LMO7: variants seen among roughly 807,000 people sequenced by gnomAD.
LMO7 encodes LIM domain only protein 7.
A neutral mutation model predicts 206.5 loss-of-function variants in LMO7; 120 were observed. That is an observed-to-expected ratio of 0.58 (90% CI 0.50 to 0.68). The LOEUF (loss-of-function observed/expected upper bound fraction) is 0.68, where lower values mean the gene tolerates loss of function less well. Ranked by LOEUF, LMO7 falls within the 30% of genes least tolerant of loss-of-function variation. The pLI is 0.00. For missense variants in LMO7, 1,959 were observed against 1,957.9 expected, an observed-to-expected ratio of 1.00 and a Z score of -0.01; for synonymous variants, 706 against 681.5, an observed-to-expected ratio of 1.04 and a Z score of -0.56.
chr13:75,749,272 G>T (rs2047097692), intron 3 of LMO7, among the ~76,000 whole-genome samples: 1 of 152,102 alleles, frequency 6.6e-6, no homozygotes, highest in Non-Finnish European at 1.5e-5. Context: ...ACGTGTTAGT[G>T]CTTCATAAAA....
intron 1 of LMO7, among the ~76,000 whole-genome samples, chr13:75,660,477 C>G (rs769255845): frequency 9.9e-5 from 15 of 152,144 alleles, no homozygotes; most frequent in African/African-American, 3.6e-4. Flanking sequence ...ATGCCCTTCT[C>G]TTTAAATCCT....
chr13:75,753,447 G>A (rs770366096), intron 3 of LMO7, among the ~76,000 whole-genome samples: 6 of 152,030 alleles, frequency 3.9e-5, no homozygotes, highest in East Asian at 1.9e-4. Flanking sequence ...TTTGTTGCCC[G>A]TGCTTTTGAG....
rs552681830 is a variant in LMO7 at position 75,685,400 on chromosome 13, C to A, written c.70-27782C>A. 5.3e-5 allele frequency among the ~76,000 whole-genome samples: 8 copies of A among 152,238 alleles called. No homozygotes were observed. In the South Asian group the frequency reaches 1.7e-3, roughly 32 times the overall value. On this transcript the variant is annotated intron_variant, in intron 1 of 30. Coordinates refer to ENST00000377534, the MANE Select transcript of LMO7 (RefSeq NM_001306080.2). ...GTGTGAAGTGGAAGGAAACTAAAGC[C>A]TCATCCCACGCTTTTGTCTTCCAAA...
At chr13:75,783,051 C>T (rs546682381) in intron 4 of LMO7, among the ~76,000 whole-genome samples, 3 of 152,124 alleles carry the variant, frequency 2.0e-5, no homozygotes, top group Non-Finnish European at 4.4e-5. Flanking sequence ...GGAGTAGGAA[C>T]AAAGAATTCA....
chr13:75,760,651 C>G, intron 3 of LMO7: 1 of 1,487,656 alleles, frequency 6.7e-7, no homozygotes, highest in Non-Finnish European at 8.9e-7. Flanking sequence ...TGGCTAGGCA[C>G]TTGTCCTGTA....
At chr13:75,828,502 C>T (rs1271570686) in intron 15 of LMO7, among the ~76,000 whole-genome samples, 1 of 152,100 alleles carries the variant, frequency 6.6e-6, no homozygotes, top group East Asian at 1.9e-4. Context: ...ACAGAAATGT[C>T]TTTTGGTCCA....
intron 3 of LMO7, among the ~76,000 whole-genome samples, chr13:75,744,334 A>C (rs148973995): frequency 6.6e-6 from 1 of 152,340 alleles, no homozygotes; most frequent in East Asian, 1.9e-4. Flanking sequence ...CAAGTTTAAG[A>C]ACACTTCCTA....
At chr13:75,784,004 G>C (rs1433485187) in intron 4 of LMO7, among the ~76,000 whole-genome samples, 2 of 152,108 alleles carry the variant, frequency 1.3e-5, no homozygotes, top group Non-Finnish European at 2.9e-5. Flanking sequence ...CGAAACAGTG[G>C]TTCTCAACCA....
intron 9 of LMO7, 128 bp downstream of exon 9, chr13:75,805,888 A>G: frequency 1.7e-6 from 2 of 1,153,320 alleles, no homozygotes; most frequent in Non-Finnish European, 1.2e-6. Flanking sequence ...GTATCTGCGG[A>G]ACCTATATAA....
intron 1 of LMO7, among the ~76,000 whole-genome samples, chr13:75,703,850 G>A (rs920365526): frequency 6.6e-6 from 1 of 152,144 alleles, no homozygotes; most frequent in South Asian, 2.1e-4. Flanking sequence ...CAGGAAAGAG[G>A]TAGGAGATAT....
At chr13:75,635,751 A>AG (rs1335851576), upstream of LMO7, 4 of 151,852 alleles carry the variant, frequency 2.6e-5, no homozygotes, top group Non-Finnish European at 4.4e-5. Context: ...GCACGTGCCA[A>AG]GGCCACGACC....
intron 15 of LMO7, among the ~76,000 whole-genome samples, chr13:75,832,227 C>A (rs569618772): frequency 6.6e-6 from 1 of 152,160 alleles, no homozygotes; most frequent in South Asian, 2.1e-4. Flanking sequence ...CTGTAAAACT[C>A]GAAACATTTG....
intron 1 of LMO7, among the ~76,000 whole-genome samples, chr13:75,664,348 C>G (rs1053185012): frequency 1.3e-5 from 2 of 152,158 alleles, no homozygotes; most frequent in Non-Finnish European, 2.9e-5. Context: ...CATGTTGTTT[C>G]AAATGACAGT....
In LMO7 at chr13:75,845,304, ATATAT is replaced by A. The variant is rs1451895418; in HGVS notation, c.4098-21_4098-17del. ...GAGGTTATTTAATGAGACATATTTA[ATATAT>A]TGTGTTCTGTGTTTTAGGAATAAAT... On this transcript the variant is annotated intron_variant, in intron 25 of 30. Coordinates refer to ENST00000377534, the MANE Select transcript of LMO7 (RefSeq NM_001306080.2). 7.8e-7 allele frequency: 1 copy of A among 1,282,290 alleles called. No homozygotes were observed. The highest frequency in any genetic ancestry group is 1.1e-6 in the Non-Finnish European group (1 of 895,058). The allele number at this position is 1,282,290 out of a possible 1,614,324, so 79.4% of individuals were successfully genotyped here.
chr13:75,681,777 G>A (rs1480484130), intron 1 of LMO7, among the ~76,000 whole-genome samples: 7 of 137,180 alleles, frequency 5.1e-5, no homozygotes, highest in East Asian at 2.2e-4. Context: ...AGCCTTTTGA[G>A]TCTGGCTTCT....
intron 3 of LMO7, among the ~76,000 whole-genome samples, chr13:75,737,842 C>CAAAAAAAAAAAA (rs768622923): frequency 2.7e-5 from 1 of 37,726 alleles, no homozygotes; most frequent in African/African-American, 1.2e-4. Context: ...AGGAAGCTGC[C>CAAAAAAAAAAAA]AAAAAAAAAA....
chr13:75,777,258 G>A (rs1017208056), intron 4 of LMO7, among the ~76,000 whole-genome samples: 15 of 152,136 alleles, frequency 9.9e-5, no homozygotes, highest in Middle Eastern at 3.4e-3. Context: ...ATTATAGTTC[G>A]GATTTAGGAA....
rs1401488666 is a variant in LMO7, at chr13:75,728,167, T to C, written c.210+1069T>C. Among the ~76,000 whole-genome samples, 3 of 152,198 alleles carry C rather than the reference T, an allele frequency of 2.0e-5. No individual in the cohort carries two copies. The South Asian group carries it at 6.2e-4, about 32-fold the overall frequency. ...AATGGGATTGCTGGGTCAAATGGTA[T>C]TTCTCGTTCTAGATCCCTGAGGAAT... On this transcript the variant is annotated intron_variant, in intron 3 of 30. Transcript: ENST00000377534.
intron 1 of LMO7, among the ~76,000 whole-genome samples, chr13:75,676,311 TCTA>T (rs1272339779): frequency 2.0e-5 from 3 of 152,338 alleles, no homozygotes; most frequent in Admixed American, 1.3e-4. Flanking sequence ...CAGTAACTGT[TCTA>T]CTCATTAATC....
Sources: gnomAD v4.1 joint callset for allele counts (sites outside exome capture counted in the v4.1 genomes callset) on GRCh38, gnomAD v4.1.1 for gene constraint, MANE v1.5 for transcripts, NCBI Gene and HGNC (gene_info 2026-07-23, HGNC 2026-07-21) for gene names.